The following NDUFAF2 variants were observed in gnomAD, a reference collection of about 807,000 sequenced individuals.
NDUFAF2 encodes the protein NADH dehydrogenase [ubiquinone] 1 alpha subcomplex assembly factor 2.
NDUFAF2 carries 13 observed loss-of-function variants against 22.8 expected under a neutral mutation model. The ratio of observed to expected loss-of-function variants is 0.57; its 90% CI spans 0.37 to 0.91. The LOEUF (loss-of-function observed/expected upper bound fraction) is 0.91, where lower values mean the gene tolerates loss of function less well. Ranked by LOEUF, NDUFAF2 falls within the 40% of genes least tolerant of loss-of-function variation. The pLI is 0.01. For synonymous variants in NDUFAF2, 53 were observed against 64.2 expected, an observed-to-expected ratio of 0.83 and a Z score of 0.84; for missense variants, 162 against 195.2, an observed-to-expected ratio of 0.83 and a Z score of 1.01.
intron 1 of NDUFAF2, among the ~76,000 whole-genome samples, chr5:61,036,741 G>C (rs1751805033): frequency 6.6e-6 from 1 of 152,170 alleles, no homozygotes; most frequent in African/African-American, 2.4e-5. Context: ...TCTAGAGACA[G>C]AGTTGTGACC....
intron 1 of NDUFAF2, among the ~76,000 whole-genome samples, chr5:60,951,468 C>T (rs1750547774): frequency 6.6e-6 from 1 of 152,136 alleles, no homozygotes; most frequent in Non-Finnish European, 1.5e-5. Flanking sequence ...TATTCCTGTG[C>T]AGTTTTTTGA....
At chr5:60,994,317 G>C (rs1160156392) in intron 1 of NDUFAF2, among the ~76,000 whole-genome samples, 1 of 152,250 alleles carries the variant, frequency 6.6e-6, no homozygotes, top group Non-Finnish European at 1.5e-5. Context: ...TTGGGTGGCT[G>C]TAGCTGCACC....
At chr5:61,100,127 GGA>G (rs2111769021) in intron 3 of NDUFAF2, among the ~76,000 whole-genome samples, 1 of 151,982 alleles carries the variant, frequency 6.6e-6, no homozygotes, top group East Asian at 1.9e-4. Context: ...TGTTTTGGGG[GGA>G]AAAAATAAAA....
chr5:61,107,313 G>A (rs1304062352), intron 3 of NDUFAF2, among the ~76,000 whole-genome samples: 1 of 151,048 alleles, frequency 6.6e-6, no homozygotes, highest in Admixed American at 6.6e-5. Context: ...TTGTAGTTTT[G>A]GTTTGCATTT....
chr5:61,094,070 G>T (rs538033675), intron 2 of NDUFAF2, among the ~76,000 whole-genome samples: 1 of 152,242 alleles, frequency 6.6e-6, no homozygotes, highest in South Asian at 2.1e-4. Flanking sequence ...AATATTCTCT[G>T]ATGGTTTTTC....
intron 3 of NDUFAF2, among the ~76,000 whole-genome samples, chr5:61,110,929 A>C (rs920149206): frequency 1.3e-5 from 2 of 151,290 alleles, no homozygotes; most frequent in African/African-American, 4.9e-5. Context: ...AAGTTTTTCT[A>C]CTTTTTTGGT....
At chr5:60,986,977 G>A (rs1424768694) in intron 1 of NDUFAF2, among the ~76,000 whole-genome samples, 1 of 147,708 alleles carries the variant, frequency 6.8e-6, no homozygotes, top group Non-Finnish European at 1.5e-5. Flanking sequence ...AACCATACAA[G>A]GACCAATGAA....
intron 3 of NDUFAF2, 103 bp from the exon 4 acceptor site, chr5:61,152,601 A>ATATT (rs1190276827): frequency 1.3e-6 from 1 of 775,618 alleles, no homozygotes; most frequent in Non-Finnish European, 1.9e-6. Flanking sequence ...ATGTATGTAT[A>ATATT]TATTTATATG....
chr5:61,034,100 G>A lies in NDUFAF2; in HGVS notation c.128-39025G>A, dbSNP rs138183229. On this transcript the variant is annotated intron_variant, in intron 1 of 3. Coordinates refer to ENST00000296597, the MANE Select transcript of NDUFAF2 (RefSeq NM_174889.5). ...GGATTTGGATGCATATTCTAATTTA[G>A]ACATTAGAAGAGGAGCCTTCAGAAA... Among the ~76,000 whole-genome samples, 175 of 152,202 alleles carry A rather than the reference G, an allele frequency of 1.1e-3. 1 individual carries two copies. Among genetic ancestry groups the A allele is most frequent in the African/African-American group, 3.9e-3 (162 of 41,532 alleles).
At chr5:61,004,533 G>C (rs555822046) in intron 1 of NDUFAF2, among the ~76,000 whole-genome samples, 3 of 152,196 alleles carry the variant, frequency 2.0e-5, no homozygotes, top group African/African-American at 7.2e-5. Flanking sequence ...AAGGATTTTA[G>C]ATGTTTCAGA....
intron 3 of NDUFAF2, chr5:61,115,776 C>T (rs552107410): frequency 5.7e-4 from 87 of 152,182 alleles, no homozygotes; most frequent in African/African-American, 2.0e-3. Context: ...ATTGAGGTAA[C>T]TGGTGAAGTT....
intron 1 of NDUFAF2, among the ~76,000 whole-genome samples, chr5:60,961,323 C>T (rs934961054): frequency 1.0e-3 from 150 of 148,130 alleles, no homozygotes; most frequent in African/African-American, 3.5e-3. Flanking sequence ...AGGCCGGGCA[C>T]GGTGGCTCAC....
intron 1 of NDUFAF2, among the ~76,000 whole-genome samples, chr5:61,031,503 G>A (rs1024464169): frequency 3.5e-5 from 4 of 115,070 alleles, no homozygotes; most frequent in Non-Finnish European, 8.4e-5. Flanking sequence ...TTTTATGGCT[G>A]CATAGTATTC....
At chr5:61,004,793 A>G (rs1263649276) in intron 1 of NDUFAF2, among the ~76,000 whole-genome samples, 2 of 152,096 alleles carry the variant, frequency 1.3e-5, no homozygotes, top group Non-Finnish European at 2.9e-5. Flanking sequence ...GATAAAGTGA[A>G]TTACTCATAG....
chr5:60,968,179 C>G (rs180707711), intron 1 of NDUFAF2, among the ~76,000 whole-genome samples: 13 of 151,444 alleles, frequency 8.6e-5, no homozygotes, highest in Non-Finnish European at 1.9e-4. Flanking sequence ...CTGTAGTATC[C>G]GTTGTTGCTT....
chr5:61,046,043 A>G (rs1156241393), intron 1 of NDUFAF2, among the ~76,000 whole-genome samples: 2 of 152,138 alleles, frequency 1.3e-5, no homozygotes, highest in African/African-American at 2.4e-5. Context: ...AATTGTGTCA[A>G]ATGCTTTTTC....
intron 3 of NDUFAF2, among the ~76,000 whole-genome samples, chr5:61,100,234 A>G (rs1048297263): frequency 1.3e-5 from 2 of 152,190 alleles, no homozygotes; most frequent in Admixed American, 6.6e-5. Flanking sequence ...GGTCATAATA[A>G]GAGCTACTGT....
intron 3 of NDUFAF2, among the ~76,000 whole-genome samples, chr5:61,137,030 A>T (rs1218980535): frequency 6.6e-6 from 1 of 152,228 alleles, no homozygotes; most frequent in Non-Finnish European, 1.5e-5. Flanking sequence ...TGAGGCATCA[A>T]TATTTACTAC....
intron 3 of NDUFAF2, among the ~76,000 whole-genome samples, chr5:61,148,855 G>A (rs1281330749): frequency 1.3e-5 from 2 of 152,130 alleles, no homozygotes; most frequent in Non-Finnish European, 2.9e-5. Context: ...ATAATGTTTG[G>A]CTTACATTAG....
Sources: gnomAD v4.1 joint callset for allele counts (sites outside exome capture counted in the v4.1 genomes callset) on GRCh38, gnomAD v4.1.1 for gene constraint, MANE v1.5 for transcripts, NCBI Gene and HGNC (gene_info 2026-07-23, HGNC 2026-07-21) for gene names.